The following GSK3B variants were observed in gnomAD, a reference collection of about 807,000 sequenced individuals.
The protein encoded by GSK3B is glycogen synthase kinase-3 beta.
GSK3B carries 15 observed loss-of-function variants against 56.4 expected under a neutral mutation model. That is an observed-to-expected ratio of 0.27 (90% CI 0.18 to 0.41). The LOEUF is 0.41. Among genes scored for constraint, GSK3B ranks in the 10% least tolerant of loss-of-function variants. The probability of loss-of-function intolerance (pLI) is 1.00; values close to 1 mark genes in which losing one functional copy is unlikely to be tolerated. For missense variants in GSK3B, 300 were observed against 513.4 expected (o/e 0.58, Z 4.02); for synonymous variants, 181 against 188.9 (o/e 0.96, Z 0.34).
chr3:120,017,759 G>A (rs1477473689), intron 1 of GSK3B, among the ~76,000 whole-genome samples: 1 of 152,100 alleles, frequency 6.6e-6, no homozygotes, highest in African/African-American at 2.4e-5. Flanking sequence ...CAATCCATGA[G>A]GGCAACACTT....
chr3:120,047,095 C>T (rs1018642411), intron 1 of GSK3B, among the ~76,000 whole-genome samples: 1 of 152,134 alleles, frequency 6.6e-6, no homozygotes, highest in African/African-American at 2.4e-5. Flanking sequence ...AATTCTAAAG[C>T]ACAGACTCCT....
chr3:120,045,289 T>C (rs2058093732), intron 1 of GSK3B, among the ~76,000 whole-genome samples: 1 of 152,218 alleles, frequency 6.6e-6, no homozygotes, highest in African/African-American at 2.4e-5. Flanking sequence ...TTAACTTCCT[T>C]GTTCTTTGTT....
chr3:120,036,851 T>A (rs567193592), intron 1 of GSK3B, among the ~76,000 whole-genome samples: 1 of 149,312 alleles, frequency 6.7e-6, no homozygotes, highest in African/African-American at 2.5e-5. Context: ...GGAAAAAAGC[T>A]TGGATACACA....
At chr3:119,936,397 A>G (rs984867167) in intron 3 of GSK3B, among the ~76,000 whole-genome samples, 2 of 148,344 alleles carry the variant, frequency 1.3e-5, no homozygotes, top group African/African-American at 5.1e-5. Flanking sequence ...CCCAGGCTGG[A>G]GTGCAGTGGT....
At chr3:119,942,501 C>T (rs1576217514) in intron 3 of GSK3B, among the ~76,000 whole-genome samples, 1 of 151,956 alleles carries the variant, frequency 6.6e-6, no homozygotes, top group African/African-American at 2.4e-5. Flanking sequence ...GGTTTCACTA[C>T]GTTGGCCAAG....
At position 120,093,564 on chromosome 3, in the gene GSK3B, G is replaced by T; in HGVS notation, c.-130C>A. On this transcript the variant is annotated 5_prime_UTR_variant, in exon 1 of 11. Transcript: ENST00000264235. ...CACAGAAGAAAAAGAAAAAGACTTC[G>T]TCCTCTTGGCTTTTCACTCCTTTTG... The T allele has an allele frequency of 1.6e-6, 1 of 629,954 alleles. No individual in the cohort carries two copies. 39.0% of individuals were successfully genotyped at this position (629,954 alleles called of 1,614,324 possible).
At chr3:119,852,837 G>A (rs2055957677) in intron 9 of GSK3B, among the ~76,000 whole-genome samples, 1 of 152,104 alleles carries the variant, frequency 6.6e-6, no homozygotes, top group Non-Finnish European at 1.5e-5. Flanking sequence ...TTTGTCAGAT[G>A]GGTAGATTGC....
chr3:119,912,645 A>G lies in GSK3B; in HGVS notation c.715+59T>C, dbSNP rs1349866586. 4.0e-6 allele frequency: 3 copies of G among 740,800 alleles called. No homozygotes were observed. The East Asian group carries it at 7.5e-5, about 19-fold the overall frequency. The allele number at this position is 740,800 out of a possible 1,614,324, so 45.9% of individuals were successfully genotyped here. On this transcript the variant is annotated intron_variant, in intron 6 of 10. Coordinates refer to ENST00000264235, the MANE Select transcript of GSK3B (RefSeq NM_001146156.2). ...TAAAAGTACAGATTAGTAGTACTAA[A>G]TTACCAAAATCAAGAAGCAATTAAT... is the stretch of plus-strand genomic sequence containing the variant.
chr3:119,875,243 A>G (rs574425598), intron 8 of GSK3B, among the ~76,000 whole-genome samples: 1 of 152,188 alleles, frequency 6.6e-6, no homozygotes, highest in East Asian at 1.9e-4. Flanking sequence ...TAATGAGATT[A>G]TAAGAACTTG....
intron 9 of GSK3B, among the ~76,000 whole-genome samples, chr3:119,860,974 A>G (rs575674572): frequency 6.6e-6 from 1 of 152,252 alleles, no homozygotes; most frequent in Admixed American, 6.5e-5. Flanking sequence ...CCAGACCCAC[A>G]ATGTTTCTAT....
intron 1 of GSK3B, 104 bp from the exon 2 acceptor site, chr3:120,002,343 TA>T (rs2057686732): frequency 2.4e-5 from 13 of 552,342 alleles, no homozygotes; most frequent in Middle Eastern, 5.1e-4. Context: ...TTTTTTATTT[TA>T]TTTTTTTTTT....
chr3:119,876,623 T>C, intron 7 of GSK3B, 115 bp from the exon 8 acceptor site: 1 of 654,336 alleles, frequency 1.5e-6, no homozygotes. Flanking sequence ...ATAAAATACG[T>C]AACTCATTAA....
At chr3:120,057,955 GATCA>G (rs1416103970) in intron 1 of GSK3B, among the ~76,000 whole-genome samples, 1 of 151,858 alleles carries the variant, frequency 6.6e-6, no homozygotes, top group Admixed American at 6.6e-5. Flanking sequence ...GATTAAAAGG[GATCA>G]ATCAAAATCT....
At chr3:119,925,741 C>T (rs2056883438) in intron 3 of GSK3B, among the ~76,000 whole-genome samples, 1 of 152,030 alleles carries the variant, frequency 6.6e-6, no homozygotes, top group Non-Finnish European at 1.5e-5. Flanking sequence ...CACTAATCAC[C>T]ACCATATTTC....
intron 2 of GSK3B, among the ~76,000 whole-genome samples, chr3:119,964,504 A>T (rs2057301780): frequency 1.3e-5 from 2 of 152,212 alleles, no homozygotes; most frequent in African/African-American, 4.8e-5. Flanking sequence ...TAAGCAAAAT[A>T]AGTTAGTCAC....
chr3:120,031,575 G>A (rs538481508), intron 1 of GSK3B, among the ~76,000 whole-genome samples: 1 of 152,306 alleles, frequency 6.6e-6, no homozygotes, highest in South Asian at 2.1e-4. Context: ...TAGAGGGACA[G>A]AGGGTGAAGT....
chr3:119,914,256 G>A (rs2056761561), intron 5 of GSK3B, among the ~76,000 whole-genome samples: 1 of 151,980 alleles, frequency 6.6e-6, no homozygotes, highest in South Asian at 2.1e-4. Flanking sequence ...TTACCAATCT[G>A]ATAATGTACA....
chr3:119,838,215 G>A (rs535076094), intron 10 of GSK3B, among the ~76,000 whole-genome samples: 1 of 151,842 alleles, frequency 6.6e-6, no homozygotes, highest in African/African-American at 2.4e-5. Flanking sequence ...CTTGAACCCA[G>A]GAGTTGGAGG....
chr3:120,027,165 A>G (rs1174231968), intron 1 of GSK3B, among the ~76,000 whole-genome samples: 1 of 151,794 alleles, frequency 6.6e-6, no homozygotes, highest in African/African-American at 2.4e-5. Context: ...ACTTGAAGTC[A>G]GGAGTTCAAG....
Sources: gnomAD v4.1 joint callset for allele counts (sites outside exome capture counted in the v4.1 genomes callset) on GRCh38, gnomAD v4.1.1 for gene constraint, MANE v1.5 for transcripts, NCBI Gene and HGNC (gene_info 2026-07-23, HGNC 2026-07-21) for gene names.